SUGCT: variants seen among roughly 807,000 people sequenced by gnomAD.
The protein encoded by SUGCT is succinyl-CoA:glutarate CoA-transferase.
In SUGCT, 41 loss-of-function variants were observed where a neutral mutation model predicts 55.0. The observed-to-expected ratio is 0.74, with a 90% CI of 0.58 to 0.97. The LOEUF (loss-of-function observed/expected upper bound fraction) is 0.97. SUGCT is among the 50% of genes least tolerant of loss of function. SUGCT has a pLI of 0.00. For missense variants in SUGCT, 568 were observed against 547.8 expected (o/e 1.04, Z -0.37); for synonymous variants, 187 against 200.4 (o/e 0.93, Z 0.56).
At chr7:40,617,613 C>T (rs1799071102) in intron 12 of SUGCT, among the ~76,000 whole-genome samples, 1 of 149,980 alleles carries the variant, frequency 6.7e-6, no homozygotes, top group Non-Finnish European at 1.5e-5. Flanking sequence ...ATAGAAATAA[C>T]TTACTGGGAT....
At chr7:40,798,971 A>C (rs1297406964) in intron 13 of SUGCT, among the ~76,000 whole-genome samples, 1 of 152,186 alleles carries the variant, frequency 6.6e-6, no homozygotes, top group African/African-American at 2.4e-5. Flanking sequence ...TGCCATTGCA[A>C]ATCCCTGCGG....
chr7:40,333,702 T>TATAA (rs1554314138), intron 9 of SUGCT, among the ~76,000 whole-genome samples: 1 of 108,716 alleles, frequency 9.2e-6, no homozygotes, highest in Non-Finnish European at 1.9e-5. Context: ...TATATATATA[T>TATAA]AAATATTTAT....
intron 11 of SUGCT, among the ~76,000 whole-genome samples, chr7:40,462,467 A>G (rs1789854820): frequency 6.6e-6 from 1 of 152,096 alleles, no homozygotes; most frequent in Non-Finnish European, 1.5e-5. Flanking sequence ...TTCTGGCCAT[A>G]AAATGGATTT....
At chr7:40,407,036 A>G (rs1273861721) in intron 9 of SUGCT, among the ~76,000 whole-genome samples, 1 of 152,200 alleles carries the variant, frequency 6.6e-6, no homozygotes, top group Non-Finnish European at 1.5e-5. Flanking sequence ...ATAAAAACTT[A>G]AATACATTTT....
chr7:40,471,757 T>C (rs978554790), intron 11 of SUGCT, among the ~76,000 whole-genome samples: 1 of 152,128 alleles, frequency 6.6e-6, no homozygotes, highest in Non-Finnish European at 1.5e-5. Flanking sequence ...GTAGAACAAT[T>C]CTAATGTTAA....
At chr7:40,664,980 A>C (rs1305756327) in intron 12 of SUGCT, among the ~76,000 whole-genome samples, 1 of 60,758 alleles carries the variant, frequency 1.6e-5, no homozygotes, top group African/African-American at 2.1e-4. Context: ...ACTCTGTCTC[A>C]AAAAAAAAAA....
At chr7:40,381,418 A>G (rs1784863171) in intron 9 of SUGCT, among the ~76,000 whole-genome samples, 1 of 152,058 alleles carries the variant, frequency 6.6e-6, no homozygotes, top group South Asian at 2.1e-4. Context: ...TCACATGGAT[A>G]AAGTATTATT....
chr7:40,601,411 G>A (rs371213839), intron 12 of SUGCT, among the ~76,000 whole-genome samples: 226 of 152,288 alleles, frequency 1.5e-3, no homozygotes, highest in African/African-American at 4.8e-3. Flanking sequence ...AAATCTTTGA[G>A]GTACTCATGT....
At chr7:40,481,555 A>T (rs1431535635) in intron 11 of SUGCT, among the ~76,000 whole-genome samples, 1 of 152,008 alleles carries the variant, frequency 6.6e-6, no homozygotes, top group Non-Finnish European at 1.5e-5. Flanking sequence ...AGGTAAATAC[A>T]AAGCCGGTCT....
intron 6 of SUGCT, among the ~76,000 whole-genome samples, chr7:40,210,970 T>C (rs896624804): frequency 2.0e-5 from 3 of 152,172 alleles, no homozygotes; most frequent in Non-Finnish European, 4.4e-5. Flanking sequence ...TACTGACATA[T>C]TAATTCTTTG....
intron 11 of SUGCT, among the ~76,000 whole-genome samples, chr7:40,492,603 G>A (rs1791747903): frequency 1.3e-5 from 2 of 152,212 alleles, no homozygotes; most frequent in Non-Finnish European, 2.9e-5. Flanking sequence ...GGGCACGGGA[G>A]ATTTCAGATT....
chr7:40,318,639 G>T (rs1260535049), intron 9 of SUGCT, among the ~76,000 whole-genome samples: 1 of 152,200 alleles, frequency 6.6e-6, no homozygotes, highest in African/African-American at 2.4e-5. Flanking sequence ...GTTTCACCAT[G>T]TTGGCCAGAC....
intron 13 of SUGCT, among the ~76,000 whole-genome samples, chr7:40,754,506 AC>A (rs1216928592): frequency 6.6e-6 from 1 of 152,148 alleles, no homozygotes; most frequent in Non-Finnish European, 1.5e-5. Flanking sequence ...TGGGGAGAAA[AC>A]TGGATAGGAC....
the SUGCT span, among the ~76,000 whole-genome samples, chr7:40,940,279 C>G: frequency 2.0e-5 from 3 of 152,012 alleles, no homozygotes; most frequent in East Asian, 3.9e-4. Context: ...GTTACCATAG[C>G]CTTTTGTAGT....
At chr7:40,306,951 G>T (rs898545927) in intron 8 of SUGCT, among the ~76,000 whole-genome samples, 8 of 152,106 alleles carry the variant, frequency 5.3e-5, no homozygotes, top group Non-Finnish European at 8.8e-5. Context: ...TGATTCATAT[G>T]GATTGGGAAA....
chr7:40,661,412 C>T (rs13226179), intron 12 of SUGCT, among the ~76,000 whole-genome samples: 3,789 of 152,244 alleles, frequency 0.025, 68 homozygotes, highest in Middle Eastern at 0.065. Flanking sequence ...GCCAGATCAT[C>T]CCCACTGGCA....
intron 7 of SUGCT, 74 bp downstream of exon 7, chr7:40,237,800 C>A (rs1789112378): frequency 8.2e-7 from 1 of 1,222,660 alleles, no homozygotes; most frequent in Non-Finnish European, 1.2e-6. Flanking sequence ...CTGCACTAAC[C>A]CATAGGATTA....
intron 13 of SUGCT, among the ~76,000 whole-genome samples, chr7:40,811,786 C>G (rs1454042977): frequency 6.6e-6 from 1 of 152,060 alleles, no homozygotes; most frequent in African/African-American, 2.4e-5. Context: ...CTCTGGCTAG[C>G]ATTTCCAGTA....
At chr7:40,288,424 T>C (rs1008460484) in intron 8 of SUGCT, among the ~76,000 whole-genome samples, 2 of 152,142 alleles carry the variant, frequency 1.3e-5, no homozygotes, top group Non-Finnish European at 2.9e-5. Flanking sequence ...CTGGTAGAAG[T>C]GGATGTTAAC....
Sources: allele counts gnomAD v4.1 joint callset (sites outside exome capture counted in the v4.1 genomes callset), GRCh38; gene constraint gnomAD v4.1.1; transcripts MANE v1.5; gene names NCBI Gene and HGNC (gene_info 2026-07-23, HGNC 2026-07-21).